UBE2Q2: variants seen among roughly 807,000 people sequenced by gnomAD.
UBE2Q2 encodes the protein ubiquitin conjugating enzyme E2 Q2.
In UBE2Q2, 54 loss-of-function variants were observed where a neutral mutation model predicts 59.9. The observed-to-expected ratio is 0.90, with a 90% CI of 0.72 to 1.13. The LOEUF (loss-of-function observed/expected upper bound fraction) is 1.13. UBE2Q2 is among the 50% of genes most tolerant of loss of function. The probability of loss-of-function intolerance (pLI) is 0.00; values close to 1 mark genes in which losing one functional copy is unlikely to be tolerated. For missense variants in UBE2Q2, 433 were observed against 441.9 expected, an observed-to-expected ratio of 0.98 and a Z score of 0.18; for synonymous variants, 165 against 155.2, an observed-to-expected ratio of 1.06 and a Z score of -0.47.
chr15:75,899,537 C>A lies in UBE2Q2; in HGVS notation c.*79C>A. 5.0e-6 allele frequency: 6 copies of A among 1,199,826 alleles called. No homozygotes were observed. The highest frequency in any genetic ancestry group is 7.2e-6 in the Non-Finnish European group (6 of 835,692). The allele number at this position is 1,199,826 out of a possible 1,614,324, so 74.3% of individuals were successfully genotyped here. A position where few individuals can be genotyped will look rare whatever the true frequency, so the allele number is the denominator to read the frequency against. ...AACATGCAGACAAAAGCTTTGAGTG[C>A]CCCTATTACAGCAGTACCGAAGATG... On this transcript the variant is annotated 3_prime_UTR_variant, in exon 13 of 13. Transcript: ENST00000267938.
chr15:75,869,999 T>G (rs936967241), intron 4 of UBE2Q2, among the ~76,000 whole-genome samples: 3 of 152,200 alleles, frequency 2.0e-5, no homozygotes, highest in African/African-American at 7.2e-5. Context: ...TGCTTTTATT[T>G]TCTTGATTTG....
At chr15:75,874,799 A>G (rs896217489) in intron 5 of UBE2Q2, among the ~76,000 whole-genome samples, 2 of 152,226 alleles carry the variant, frequency 1.3e-5, no homozygotes, top group Non-Finnish European at 2.9e-5. Context: ...TTGTCTGAAC[A>G]CTTACTACTT....
intron 1 of UBE2Q2, among the ~76,000 whole-genome samples, chr15:75,853,855 C>T (rs970655184): frequency 6.6e-6 from 1 of 152,106 alleles, no homozygotes; most frequent in Admixed American, 6.5e-5. Context: ...ACTGGGCCTC[C>T]GTTTCTGGAT....
At chr15:75,844,248 G>C in intron 1 of UBE2Q2, 1 of 1,499,684 alleles carries the variant, frequency 6.7e-7, no homozygotes, top group Admixed American at 2.1e-5. Context: ...AGGCCGGCAA[G>C]GGGAACGGCC....
At chr15:75,847,981 C>T (rs1484707457) in intron 1 of UBE2Q2, among the ~76,000 whole-genome samples, 2 of 152,176 alleles carry the variant, frequency 1.3e-5, no homozygotes, top group African/African-American at 2.4e-5. Flanking sequence ...AAAGTGCCTA[C>T]CCCCAACAGC....
At chr15:75,865,095 A>T (rs1444116720) in intron 3 of UBE2Q2, among the ~76,000 whole-genome samples, 1 of 152,254 alleles carries the variant, frequency 6.6e-6, no homozygotes, top group Non-Finnish European at 1.5e-5. Context: ...TTGGGAGCCA[A>T]CACCTAGCCA....
chr15:75,897,270 G>A lies in UBE2Q2; in HGVS notation c.1096+209G>A, dbSNP rs191474832. 9.2e-5 allele frequency among the ~76,000 whole-genome samples: 14 copies of A among 151,670 alleles called. No individual in the cohort carries two copies. The East Asian group carries it at 2.1e-3, about 23-fold the overall frequency. On this transcript the variant is annotated intron_variant, in intron 12 of 12. Transcript: ENST00000267938. ...TATTTGTTTTTTGAGACGGAGTCTC[G>A]CTCTGTCACCCCAGCTGGAGTGCAG...
Position 75,843,975 on chromosome 15 carries a change from C to A in UBE2Q2, c.180+129C>A, listed in dbSNP as rs28631664. The A allele has an allele frequency of 4.3e-5, 60 of 1,403,144 alleles. 1 individual carries two copies. The East Asian group carries it at 1.6e-3, about 38-fold the overall frequency. The allele number at this position is 1,403,144 out of a possible 1,614,324, so 86.9% of individuals were successfully genotyped here. ...CCGGGCGGGGCAGGCCCGCCCCTTT[C>A]CCCCGCGACTTGCCCATCCCAGGCC... On this transcript the variant is annotated intron_variant, in intron 1 of 12. Coordinates refer to ENST00000267938, the MANE Select transcript of UBE2Q2 (RefSeq NM_173469.4).
rs368032024 is a variant in UBE2Q2, at chr15:75,879,235, A to T, written c.825+47A>T. On this transcript the variant is annotated intron_variant, in intron 8 of 12. Coordinates refer to ENST00000267938, the MANE Select transcript of UBE2Q2 (RefSeq NM_173469.4). ...CCCATATACTTCCAGTGGGGTGCGT[A>T]TATTTGTACAAGTGCTTTGGAAAAC... The T allele has an allele frequency of 1.3e-5, 15 of 1,162,404 alleles. No individual in the cohort carries two copies. In the African/African-American group the frequency reaches 2.2e-4, roughly 17 times the overall value. 72.0% of individuals were successfully genotyped at this position (1,162,404 alleles called of 1,614,324 possible). A position where few individuals can be genotyped will look rare whatever the true frequency, so the allele number is the denominator to read the frequency against.
intron 11 of UBE2Q2, among the ~76,000 whole-genome samples, chr15:75,894,671 G>C (rs1899297358): frequency 6.6e-6 from 1 of 152,040 alleles, no homozygotes; most frequent in Non-Finnish European, 1.5e-5. Flanking sequence ...GGAAGGGCTA[G>C]ACCCCCAGTA....
chr15:75,854,509 T>G, intron 2 of UBE2Q2, 22 bp downstream of exon 2: 4 of 1,497,094 alleles, frequency 2.7e-6, no homozygotes, highest in Non-Finnish European at 3.7e-6. Context: ...AGCCAAGCTA[T>G]TTTCTCTTTT....
intron 12 of UBE2Q2, 63 bp from the exon 13 acceptor site, chr15:75,899,364 C>G: frequency 8.0e-7 from 1 of 1,248,644 alleles, no homozygotes; most frequent in East Asian, 2.9e-5. Flanking sequence ...AACCTTATTA[C>G]ATGCCAGTTC....
chr15:75,878,309 C>T (rs1472273243), intron 7 of UBE2Q2: 3 of 336,144 alleles, frequency 8.9e-6, no homozygotes, highest in Non-Finnish European at 5.4e-6. Context: ...CTTCATGAGA[C>T]TGTGATAACC....
At chr15:75,856,433 A>C (rs771385151) in intron 2 of UBE2Q2, among the ~76,000 whole-genome samples, 1 of 152,084 alleles carries the variant, frequency 6.6e-6, no homozygotes, top group Non-Finnish European at 1.5e-5. Flanking sequence ...TTGTATACTA[A>C]CTCTGTTCCA....
intron 9 of UBE2Q2, among the ~76,000 whole-genome samples, chr15:75,886,973 T>C (rs1309626576): frequency 6.6e-6 from 1 of 152,150 alleles, no homozygotes; most frequent in East Asian, 1.9e-4. Context: ...TTCATGACCT[T>C]AGTTTACCAC....
At chr15:75,887,566 C>A (rs1162233386) in intron 9 of UBE2Q2, among the ~76,000 whole-genome samples, 5 of 143,738 alleles carry the variant, frequency 3.5e-5, no homozygotes, top group South Asian at 4.4e-4. Flanking sequence ...GGCCACAGAT[C>A]TTTTTTTTTT....
At chr15:75,877,533 A>G (rs924514113) in intron 6 of UBE2Q2, among the ~76,000 whole-genome samples, 1 of 152,170 alleles carries the variant, frequency 6.6e-6, no homozygotes, top group Non-Finnish European at 1.5e-5. Flanking sequence ...CATAAAATAA[A>G]CTACCACAGA....
At position 75,879,127 on chromosome 15, in the gene UBE2Q2, AT is replaced by A. The variant is rs1430465882; in HGVS notation, c.765del (p.Leu256PhefsTer4). The A allele has an allele frequency of 6.3e-7, 1 of 1,598,804 alleles. No individual in the cohort carries two copies. The highest frequency in any genetic ancestry group is 1.7e-5 in the Admixed American group (1 of 57,520). On this transcript the variant is annotated frameshift_variant, in exon 8 of 13. Coordinates refer to ENST00000267938, the MANE Select transcript of UBE2Q2 (RefSeq NM_173469.4). LOFTEE classifies it high-confidence loss of function. ...KVDPDSPLHS[D>X]LQILKEKEGI... is the part of the protein sequence containing the mutation. ...GACCCTGATAGTCCTTTGCACAGTG[AT>A]CTTCAGATCTTAAAAGAAAAAGAAG...
chr15:75,875,748 A>G (rs945310771), intron 5 of UBE2Q2, among the ~76,000 whole-genome samples: 2 of 152,132 alleles, frequency 1.3e-5, no homozygotes, highest in African/African-American at 4.8e-5. Context: ...GCTTCATTTA[A>G]TTGGGCTTTT....
Sources: gnomAD v4.1 joint callset for allele counts (sites outside exome capture counted in the v4.1 genomes callset) on GRCh38, gnomAD v4.1.1 for gene constraint, MANE v1.5 for transcripts, NCBI Gene and HGNC (gene_info 2026-07-23, HGNC 2026-07-21) for gene names.